CENPI: variants seen among roughly 807,000 people sequenced by gnomAD.
CENPI encodes FSH primary response 1.
Under a neutral mutation model 60.4 loss-of-function variants are expected in CENPI, and 4 were observed. The ratio of observed to expected loss-of-function variants is 0.07; its 90% confidence interval spans 0.03 to 0.15. The LOEUF (loss-of-function observed/expected upper bound fraction) is 0.15. Among genes scored for constraint, CENPI ranks in the 10% least tolerant of loss-of-function variants. CENPI has a pLI of 1.00. For missense variants in CENPI, 444 were observed against 534.5 expected (o/e 0.83, Z 1.67); for synonymous variants, 157 against 189.4 (o/e 0.83, Z 1.40).
the CENPI span, among the ~76,000 whole-genome samples, chrX:101,177,033 G>A: frequency 1.8e-5 from 2 of 111,539 alleles, no homozygotes; most frequent in African/African-American, 6.5e-5. Context: ...CGGGCTGAAT[G>A]TACCTGTCCT....
intron 11 of CENPI, 93 bp downstream of exon 11, chrX:101,127,758 A>G (rs2089751973): frequency 1.4e-6 from 1 of 728,586 alleles, no homozygotes; most frequent in Non-Finnish European, 2.0e-6. Context: ...TTTTTTTGAG[A>G]TAGGGTCTTA....
chrX:101,149,167 A>G (rs2089986322), intron 20 of CENPI, among the ~76,000 whole-genome samples: 1 of 112,069 alleles, frequency 8.9e-6, no homozygotes, highest in Non-Finnish European at 1.9e-5. Flanking sequence ...ACAAAGATGC[A>G]GAGCAAAGAT....
intron 2 of CENPI, among the ~76,000 whole-genome samples, chrX:101,099,165 G>A (rs984435929): frequency 1.8e-5 from 2 of 109,984 alleles, no homozygotes; most frequent in African/African-American, 6.6e-5. Flanking sequence ...GGTGGCTCAC[G>A]CCTGTAATCC....
chrX:101,136,469 A>G (rs1192478395), intron 15 of CENPI, among the ~76,000 whole-genome samples: 2 of 112,405 alleles, frequency 1.8e-5, no homozygotes, highest in African/African-American at 6.5e-5. Context: ...ATATGGTAGA[A>G]TTAGCTAAAC....
At chrX:101,169,706 A>T (rs1438883345), downstream of CENPI, among the ~76,000 whole-genome samples, 4 of 112,010 alleles carry the variant, frequency 3.6e-5, no homozygotes, top group African/African-American at 6.5e-5. Flanking sequence ...CATTGTTATC[A>T]TCAGAGATGA....
At chrX:101,173,011 AT>A in the CENPI span, among the ~76,000 whole-genome samples, 11,761 of 67,866 alleles carry the variant, frequency 0.17, 443 homozygotes, top group Middle Eastern at 0.3. Flanking sequence ...AGTTGTAGGA[AT>A]TTTTTTTTTT....
chrX:101,120,681 A>G lies in CENPI; in HGVS notation c.641-57A>G, dbSNP rs1233983937. ...AATTGCATGGTGGTTAAATATAACC[A>G]ATTTCTTTTTATTCTGAATCCAAAT... On this transcript the variant is annotated intron_variant, in intron 7 of 21. Transcript: ENST00000682095. The G allele has an allele frequency of 2.8e-6, 3 of 1,062,611 alleles. No homozygotes were observed. The African/African-American group carries it at 5.5e-5, about 20-fold the overall frequency. 87.6% of individuals were successfully genotyped at this position (1,062,611 alleles called of 1,213,427 possible).
chrX:101,143,565 G>T (rs768549159), intron 16 of CENPI, among the ~76,000 whole-genome samples: 2 of 112,356 alleles, frequency 1.8e-5, no homozygotes, highest in East Asian at 2.8e-4. Flanking sequence ...TCACTCTGTC[G>T]CCCAGGCCAG....
At chrX:101,129,676 G>A (rs1387993490) in intron 12 of CENPI, among the ~76,000 whole-genome samples, 6 of 111,991 alleles carry the variant, frequency 5.4e-5, no homozygotes, top group Non-Finnish European at 1.9e-5. Flanking sequence ...CAATTCAGAT[G>A]TTTGTACTTT....
chrX:101,108,386 G>A (rs1422726235), intron 4 of CENPI, among the ~76,000 whole-genome samples: 2 of 109,882 alleles, frequency 1.8e-5, no homozygotes, highest in African/African-American at 6.6e-5. Flanking sequence ...CATAGAGACG[G>A]GGTCCTGCTA....
chrX:101,111,418 C>T (rs1390502989), intron 6 of CENPI, among the ~76,000 whole-genome samples: 3 of 110,326 alleles, frequency 2.7e-5, no homozygotes, highest in Non-Finnish European at 3.8e-5. Context: ...TTCACCTTAG[C>T]GTTGATGGTG....
chrX:101,109,425 C>G (rs1255731482), intron 4 of CENPI, 48 bp from the exon 5 acceptor site: 2 of 963,232 alleles, frequency 2.1e-6, no homozygotes, highest in Non-Finnish European at 3.0e-6. Context: ...AGTAAAAGAA[C>G]AATCGAGACA....
At position 101,140,630 on chromosome X, in the gene CENPI, A is replaced by G. The variant is rs761559070; in HGVS notation, c.1471-36A>G. On this transcript the variant is annotated intron_variant, in intron 15 of 21. Coordinates refer to ENST00000682095, the MANE Select transcript of CENPI (RefSeq NM_001386188.2). ...TTCTGAACACTGTTATGTCTGAATG[A>G]TTTCATGAAATCTTTTTTCATTTTG... The G allele has an allele frequency of 9.2e-6, 9 of 979,841 alleles. No homozygotes were observed. In the East Asian group the frequency reaches 1.2e-4, roughly 13 times the overall value. The allele number at this position is 979,841 out of a possible 1,213,427, so 80.7% of individuals were successfully genotyped here.
intron 8 of CENPI, among the ~76,000 whole-genome samples, chrX:101,121,560 A>G (rs1014128556): frequency 4.5e-5 from 5 of 110,474 alleles, no homozygotes; most frequent in African/African-American, 1.6e-4. Context: ...AAGTGCAGGG[A>G]TTACAGGCAT....
chrX:101,156,468 ATTAT>A (rs935259427), intron 20 of CENPI, among the ~76,000 whole-genome samples: 3 of 111,511 alleles, frequency 2.7e-5, no homozygotes, highest in African/African-American at 9.8e-5. Context: ...ATAATTAACA[ATTAT>A]TTATTTATTT....
chrX:101,136,698 ATGT>A (rs150232340), intron 15 of CENPI, among the ~76,000 whole-genome samples: 14,715 of 110,080 alleles, frequency 0.13, 708 homozygotes, highest in Middle Eastern at 0.24. Flanking sequence ...ATCCACACTA[ATGT>A]TGTTATATTT....
chrX:101,108,175 A>G (rs1375558724), intron 4 of CENPI, among the ~76,000 whole-genome samples: 1 of 111,316 alleles, frequency 9.0e-6, no homozygotes, highest in Non-Finnish European at 1.9e-5. Flanking sequence ...TCCAGGCTCA[A>G]GCGATCCTCC....
intron 20 of CENPI, among the ~76,000 whole-genome samples, chrX:101,160,530 G>A (rs2090099704): frequency 1.8e-5 from 2 of 108,887 alleles, no homozygotes; most frequent in Non-Finnish European, 3.8e-5. Flanking sequence ...ACAGGTGCAC[G>A]CCACCATGCC....
chrX:101,159,625 A>AT (rs900048496), intron 20 of CENPI, among the ~76,000 whole-genome samples: 5 of 109,692 alleles, frequency 4.6e-5, no homozygotes, highest in African/African-American at 1.3e-4. Flanking sequence ...TGCCCAGCTA[A>AT]TTTTTTTTGT....
Sources: allele counts gnomAD v4.1 joint callset (sites outside exome capture counted in the v4.1 genomes callset), GRCh38; gene constraint gnomAD v4.1.1; transcripts MANE v1.5; gene names NCBI Gene and HGNC (gene_info 2026-07-23, HGNC 2026-07-21).